NOL4: variants seen among roughly 807,000 people sequenced by gnomAD.
NOL4 encodes the protein nucleolar protein 4.
NOL4 carries 17 observed loss-of-function variants against 75.9 expected under a neutral mutation model. That is an observed-to-expected ratio of 0.22 (90% confidence interval 0.15 to 0.34). NOL4 has a LOEUF of 0.34. Among genes scored for constraint, NOL4 ranks in the 10% least tolerant of loss-of-function variants. NOL4 has a pLI of 1.00. For synonymous variants in NOL4, 292 were observed against 289.9 expected (o/e 1.01, Z -0.07); for missense variants, 614 against 793.5 (o/e 0.77, Z 2.72).
chr18:34,046,607 C>CATATATATATATAT (rs35281852), intron 5 of NOL4, among the ~76,000 whole-genome samples: 4,392 of 81,188 alleles, frequency 0.054, 463 homozygotes, highest in Non-Finnish European at 0.061. Flanking sequence ...TTTACTTATA[C>CATATATATATATAT]ATATATATAT....
chr18:34,087,497 T>G (rs1032622195), intron 5 of NOL4, among the ~76,000 whole-genome samples: 2 of 152,104 alleles, frequency 1.3e-5, no homozygotes, highest in East Asian at 3.9e-4. Flanking sequence ...TCTTTCATAT[T>G]CTAGTTTAAG....
chr18:33,982,265 T>C (rs1174285317), intron 6 of NOL4, among the ~76,000 whole-genome samples: 1 of 152,094 alleles, frequency 6.6e-6, no homozygotes, highest in African/African-American at 2.4e-5. Flanking sequence ...AGAACAGAGA[T>C]AGTCAGAGTG....
intron 10 of NOL4, among the ~76,000 whole-genome samples, chr18:33,857,411 A>C (rs1005147245): frequency 1.3e-5 from 2 of 152,034 alleles, no homozygotes; most frequent in African/African-American, 2.4e-5. Flanking sequence ...CATCAAAATA[A>C]CTTTACCACA....
At chr18:33,854,276 A>G (rs2062745009) in intron 10 of NOL4, among the ~76,000 whole-genome samples, 2 of 152,106 alleles carry the variant, frequency 1.3e-5, no homozygotes, top group Non-Finnish European at 1.5e-5. Flanking sequence ...CAGAGGAGAC[A>G]GATGTCCCAT....
chr18:33,929,197 C>T (rs925767067), intron 9 of NOL4, among the ~76,000 whole-genome samples: 1 of 152,164 alleles, frequency 6.6e-6, no homozygotes, highest in Admixed American at 6.5e-5. Context: ...TAGAAGACCC[C>T]TGCACCTCTA....
At chr18:34,016,082 G>C (rs1377590810) in intron 6 of NOL4, among the ~76,000 whole-genome samples, 2 of 151,978 alleles carry the variant, frequency 1.3e-5, no homozygotes, top group African/African-American at 4.8e-5. Context: ...CATATTGTAG[G>C]CTATGTGAAT....
At chr18:34,124,559 A>C (rs1357507267) in intron 2 of NOL4, among the ~76,000 whole-genome samples, 1 of 152,052 alleles carries the variant, frequency 6.6e-6, no homozygotes, top group Admixed American at 6.6e-5. Context: ...TTAACTTCTA[A>C]CTGTCAAACA....
At chr18:34,089,804 GCAATGCAGAGGA>G (rs2078421364) in intron 5 of NOL4, among the ~76,000 whole-genome samples, 1 of 152,186 alleles carries the variant, frequency 6.6e-6, no homozygotes, top group South Asian at 2.1e-4. Flanking sequence ...TAAACATTAT[GCAATGCAGAGGA>G]CATCCCTCTC....
intron 10 of NOL4, among the ~76,000 whole-genome samples, chr18:33,861,279 T>G (rs1430675349): frequency 6.6e-6 from 1 of 152,160 alleles, no homozygotes; most frequent in African/African-American, 2.4e-5. Flanking sequence ...TCTTTTTGGT[T>G]GGTAAGCTAT....
intron 9 of NOL4, among the ~76,000 whole-genome samples, chr18:33,937,251 T>C (rs1346468881): frequency 6.6e-6 from 1 of 152,122 alleles, no homozygotes; most frequent in African/African-American, 2.4e-5. Flanking sequence ...TGAGGCTGCA[T>C]AATAACAAGC....
At chr18:34,119,700 C>A (rs1272197991) in intron 2 of NOL4, among the ~76,000 whole-genome samples, 7 of 152,106 alleles carry the variant, frequency 4.6e-5, no homozygotes, top group Admixed American at 4.6e-4. Context: ...CGGCTCACTG[C>A]CAGCTCCACT....
chr18:34,124,287 A>G (rs2080283058), intron 2 of NOL4, among the ~76,000 whole-genome samples: 1 of 152,202 alleles, frequency 6.6e-6, no homozygotes, highest in Admixed American at 6.5e-5. Flanking sequence ...AAGAAAGGGA[A>G]AAATTCATAA....
intron 1 of NOL4, among the ~76,000 whole-genome samples, chr18:34,130,563 C>A (rs1008922392): frequency 2.0e-5 from 3 of 151,992 alleles, no homozygotes; most frequent in African/African-American, 7.2e-5. Context: ...AACATGAGCT[C>A]TAGAAATTAT....
intron 1 of NOL4, chr18:34,222,519 T>G (rs2037390438): frequency 2.3e-6 from 2 of 885,304 alleles, no homozygotes; most frequent in Non-Finnish European, 2.7e-6. Flanking sequence ...AGCGCTACAT[T>G]CGGGCTTTAT....
chr18:33,911,760 A>T (rs1400036542), intron 9 of NOL4, among the ~76,000 whole-genome samples: 1 of 152,082 alleles, frequency 6.6e-6, no homozygotes, highest in Non-Finnish European at 1.5e-5. Flanking sequence ...TCAGTGGAGG[A>T]TATAATCAGA....
intron 4 of NOL4, among the ~76,000 whole-genome samples, chr18:34,097,517 G>A (rs2078843673): frequency 6.6e-6 from 1 of 152,134 alleles, no homozygotes; most frequent in South Asian, 2.1e-4. Flanking sequence ...AAAACATTGT[G>A]CAATGATGGA....
At chr18:33,930,958 T>C (rs187073968) in intron 9 of NOL4, among the ~76,000 whole-genome samples, 39 of 152,290 alleles carry the variant, frequency 2.6e-4, no homozygotes, top group Admixed American at 7.9e-4. Context: ...TTAATTGCCT[T>C]ATCCTTGCTA....
chr18:34,019,235 A>G lies in NOL4; in HGVS notation c.1056+83T>C. On this transcript the variant is annotated intron_variant, in intron 6 of 10. Coordinates refer to ENST00000261592, the MANE Select transcript of NOL4 (RefSeq NM_003787.5). ...GTTTATAATATTTTTATTAACAATA[A>G]TGTTTATCTGCTATATGCATAGGTA... is the stretch of plus-strand genomic sequence containing the variant. 5 of 1,111,768 alleles carry G rather than the reference A, an allele frequency of 4.5e-6. No individual in the cohort carries two copies. The South Asian group carries it at 7.7e-5, about 17-fold the overall frequency. The allele number at this position is 1,111,768 out of a possible 1,614,324, so 68.9% of individuals were successfully genotyped here.
At chr18:33,931,718 A>C (rs1038574781) in intron 9 of NOL4, among the ~76,000 whole-genome samples, 18 of 152,088 alleles carry the variant, frequency 1.2e-4, no homozygotes, top group African/African-American at 4.3e-4. Flanking sequence ...TGGGTGACAG[A>C]GCAAGAATCT....
Sources: allele counts gnomAD v4.1 joint callset (sites outside exome capture counted in the v4.1 genomes callset), GRCh38; gene constraint gnomAD v4.1.1; transcripts MANE v1.5; gene names NCBI Gene and HGNC (gene_info 2026-07-23, HGNC 2026-07-21).